Variants in TMEM120B observed in about 807,000 individuals in gnomAD.
TMEM120B encodes the protein transmembrane protein 120B.
A neutral mutation model predicts 55.5 loss-of-function variants in TMEM120B; 31 were observed. The observed-to-expected ratio is 0.56, with a 90% CI of 0.42 to 0.75. TMEM120B has a LOEUF of 0.75. Ranked by LOEUF, TMEM120B falls within the 30% of genes least tolerant of loss-of-function variation. The pLI, the probability that TMEM120B is intolerant of heterozygous loss-of-function variation, is 0.00. For missense variants in TMEM120B, 399 were observed against 425.5 expected (o/e 0.94, Z 0.55); for synonymous variants, 203 against 176.3 (o/e 1.15, Z -1.20).
At chr12:121,743,835 C>A in intron 2 of TMEM120B, 88 bp downstream of exon 2, 1 of 997,724 alleles carries the variant, frequency 1.0e-6, no homozygotes, top group Non-Finnish European at 1.5e-6. Flanking sequence ...ATGGAAATCT[C>A]AGTGGAAAAA....
chr12:121,748,586 C>A, intron 3 of TMEM120B, 144 bp downstream of exon 3: 1 of 575,074 alleles, frequency 1.7e-6, no homozygotes, highest in Non-Finnish European at 3.1e-6. Context: ...AGGAGCCTTC[C>A]TTACACATTC....
At chr12:121,723,415 A>G (rs1894834025) in intron 1 of TMEM120B, among the ~76,000 whole-genome samples, 1 of 152,132 alleles carries the variant, frequency 6.6e-6, no homozygotes, top group South Asian at 2.1e-4. Flanking sequence ...GGAGCTGGCC[A>G]CAGCAGGGAG....
intron 6 of TMEM120B, among the ~76,000 whole-genome samples, chr12:121,767,856 T>C (rs1312678492): frequency 6.6e-6 from 1 of 152,206 alleles, no homozygotes; most frequent in Non-Finnish European, 1.5e-5. Context: ...AAGCTGCTGC[T>C]CAGTCAGGCT....
At chr12:121,728,527 C>T (rs1194332122) in intron 1 of TMEM120B, among the ~76,000 whole-genome samples, 2 of 151,710 alleles carry the variant, frequency 1.3e-5, no homozygotes, top group Non-Finnish European at 2.9e-5. Context: ...ACCATGTTGG[C>T]CAGGCTTGTG....
At chr12:121,770,175 T>C (rs1873991792) in intron 6 of TMEM120B, among the ~76,000 whole-genome samples, 1 of 152,110 alleles carries the variant, frequency 6.6e-6, no homozygotes, top group Admixed American at 6.5e-5. Flanking sequence ...GCTGGAAGTC[T>C]AGAATGGAGG....
chr12:121,734,813 T>G (rs1453540671), intron 1 of TMEM120B, among the ~76,000 whole-genome samples: 1 of 151,726 alleles, frequency 6.6e-6, no homozygotes, highest in Non-Finnish European at 1.5e-5. Context: ...CTTTGGAGGC[T>G]GAGGCAGGAG....
intron 1 of TMEM120B, among the ~76,000 whole-genome samples, chr12:121,716,117 A>G (rs867234069): frequency 6.6e-6 from 1 of 151,354 alleles, no homozygotes; most frequent in African/African-American, 2.4e-5. Flanking sequence ...AGCCTGGGAA[A>G]CATAGGGAAA....
rs572554746 is a variant in TMEM120B at position 121,716,752 on chromosome 12, A to G, written c.69+3788A>G. On this transcript the variant is annotated intron_variant, in intron 1 of 11. Coordinates refer to ENST00000449592, the MANE Select transcript of TMEM120B (RefSeq NM_001080825.2). ...TAATTTTTATATTTTTAGCAGAGAC[A>G]GGGTTTCACCATCTTGGCCAGTCTG... Among the ~76,000 whole-genome samples the G allele has an allele frequency of 7.9e-5, 12 of 152,056 alleles. No individual in the cohort carries two copies. The South Asian group carries it at 2.1e-3, about 26-fold the overall frequency.
In TMEM120B at chr12:121,779,599, C is replaced by T; in HGVS notation, c.*3877C>T. On this transcript the variant is annotated 3_prime_UTR_variant, in exon 12 of 12. Transcript: ENST00000449592. Reference sequence around the variant, plus strand: ...TCCCGGAAGACGTCCTCCACATTCTCCCGAAACTTGGCGGAACATTCCAGG... The same window carrying T: ...TCCCGGAAGACGTCCTCCACATTCTTCCGAAACTTGGCGGAACATTCCAGG... The T allele has an allele frequency of 5.6e-6, 9 of 1,614,232 alleles. No individual in the cohort carries two copies. Among genetic ancestry groups the T allele is most frequent in the Non-Finnish European group, 5.9e-6 (7 of 1,180,046 alleles).
intron 1 of TMEM120B, among the ~76,000 whole-genome samples, chr12:121,738,066 TTCTACTAAAAATCTAC>T (rs1358170132): frequency 6.7e-6 from 1 of 149,794 alleles, no homozygotes. Context: ...CTGTAATCTA[TTCTACTAAAAATCTAC>T]TCTACTAAAA....
intron 10 of TMEM120B, 106 bp downstream of exon 10, chr12:121,774,828 C>A: frequency 1.4e-6 from 2 of 1,395,980 alleles, no homozygotes; most frequent in African/African-American, 1.4e-5. Flanking sequence ...ATGCTGGGGC[C>A]CACAGCATCC....
At position 121,779,492 on chromosome 12, in the gene TMEM120B, C is replaced by T. The variant is rs1874362331; in HGVS notation, c.*3770C>T. 6.2e-7 allele frequency: 1 copy of T among 1,610,672 alleles called. No homozygotes were observed. Among genetic ancestry groups the T allele is most frequent in the African/African-American group, 1.3e-5 (1 of 74,934 alleles). On this transcript the variant is annotated 3_prime_UTR_variant, in exon 12 of 12. Coordinates refer to ENST00000449592, the MANE Select transcript of TMEM120B (RefSeq NM_001080825.2). ...CAGTGCTGTCGTGAGGTCTGTCTGC[C>T]CTGGGTCAGAGCAGCAGGCAGAGCC...
intron 1 of TMEM120B, among the ~76,000 whole-genome samples, chr12:121,741,848 T>G (rs1592933252): frequency 6.6e-6 from 1 of 151,828 alleles, no homozygotes. Flanking sequence ...CATTGATTTT[T>G]CCTTCCTGGG....
chr12:121,748,554 G>A (rs564970425), intron 3 of TMEM120B, 112 bp downstream of exon 3: 1 of 719,398 alleles, frequency 1.4e-6, no homozygotes. Flanking sequence ...GGGGAAAGAG[G>A]GAAACAAGGG....
In TMEM120B at chr12:121,756,944, C is replaced by T. The variant is rs368787892; in HGVS notation, c.462-4705C>T. On this transcript the variant is annotated intron_variant, in intron 5 of 11. Transcript: ENST00000449592. ...GAGCAGGGAGAAGACATGCACCTCC[C>T]GTGCAGGGCTGCTGAGGACACTAGC... 6.4e-3 allele frequency among the ~76,000 whole-genome samples: 982 copies of T among 152,258 alleles called. 10 individuals are homozygous for T. The highest frequency in any genetic ancestry group is 0.018 in the African/African-American group (763 of 41,552).
At chr12:121,725,622 A>T (rs1357244509) in intron 1 of TMEM120B, among the ~76,000 whole-genome samples, 2 of 152,164 alleles carry the variant, frequency 1.3e-5, no homozygotes, top group African/African-American at 4.8e-5. Context: ...TTTATTGCTG[A>T]CTAGCAATAA....
At chr12:121,759,295 C>T (rs1873592630) in intron 5 of TMEM120B, among the ~76,000 whole-genome samples, 1 of 152,108 alleles carries the variant, frequency 6.6e-6, no homozygotes, top group Admixed American at 6.6e-5. Context: ...TCTGCAGCGA[C>T]CTCCATTCTT....
chr12:121,724,362 C>G (rs1894849770), intron 1 of TMEM120B, among the ~76,000 whole-genome samples: 1 of 151,734 alleles, frequency 6.6e-6, no homozygotes, highest in Non-Finnish European at 1.5e-5. Flanking sequence ...TTGGTAGACA[C>G]AGGGTTTCAC....
Position 121,780,802 on chromosome 12 carries a change from G to C in TMEM120B, c.*5080G>C, listed in dbSNP as rs1452182417. ...CCTGAAAGGCCACTAAGGCACCCCA[G>C]TTGCAGAGGCCAAAGGTCCGGGAGG... On this transcript the variant is annotated 3_prime_UTR_variant, in exon 12 of 12. Transcript: ENST00000449592. The C allele has an allele frequency of 1.6e-5, 25 of 1,531,238 alleles. No individual in the cohort carries two copies. The highest frequency in any genetic ancestry group is 2.2e-5 in the Non-Finnish European group (25 of 1,141,442). The allele number at this position is 1,531,238 out of a possible 1,614,324, so 94.9% of individuals were successfully genotyped here.
Sources: allele counts gnomAD v4.1 joint callset (sites outside exome capture counted in the v4.1 genomes callset), GRCh38; gene constraint gnomAD v4.1.1; transcripts MANE v1.5; gene names NCBI Gene and HGNC (gene_info 2026-07-23, HGNC 2026-07-21).